Variants in LRP1B observed in about 807,000 individuals in gnomAD.
LRP1B encodes LDL receptor related protein 1B, also known as low-density lipoprotein receptor-related protein 1B.
A neutral mutation model predicts 556.6 loss-of-function variants in LRP1B; 217 were observed. The ratio of observed to expected loss-of-function variants is 0.39; its 90% CI spans 0.35 to 0.44. LRP1B has a LOEUF of 0.44. Among genes scored for constraint, LRP1B ranks in the 20% least tolerant of loss-of-function variants. The pLI is 1.00. For synonymous variants in LRP1B, 2,047 were observed against 1,865.8 expected (o/e 1.10, Z -2.50); for missense variants, 5,053 against 5,620.8 (o/e 0.90, Z 3.23).
intron 1 of LRP1B, among the ~76,000 whole-genome samples, chr2:141,826,553 G>A (rs1217846654): frequency 6.6e-6 from 1 of 151,888 alleles, no homozygotes; most frequent in African/African-American, 2.4e-5. Context: ...TAGAGACAGT[G>A]TTTCACCATG....
chr2:140,624,326 T>G (rs1470634453), intron 41 of LRP1B, among the ~76,000 whole-genome samples: 1 of 152,108 alleles, frequency 6.6e-6, no homozygotes, highest in Non-Finnish European at 1.5e-5. Flanking sequence ...CCTCTGTATT[T>G]CACAAATCAA....
At chr2:141,691,465 A>AACACACACACACACAT (rs1553448863) in intron 2 of LRP1B, among the ~76,000 whole-genome samples, 1 of 133,180 alleles carries the variant, frequency 7.5e-6, no homozygotes, top group African/African-American at 2.9e-5. Flanking sequence ...GTAATCAGCC[A>AACACACACACACACAT]ACACACACAC....
In LRP1B at chr2:140,994,008, A is replaced by G; in HGVS notation, c.2631T>C (p.Asp877=). ...AAGAGAACATACAGCAGTTTACTGA[A>G]TCCTCATCGCTTCCGTCTAGGCAGT... is the stretch of plus-strand genomic sequence containing the variant. ...DDDCLDGSDE[D]SVNCFNHSCP... is the part of the protein sequence containing the mutation. Residue 877 remains aspartate (D), a synonymous_variant, in exon 16 of 91, where the codon GAT becomes GAC. Coordinates refer to ENST00000389484, the MANE Select transcript of LRP1B (RefSeq NM_018557.3). The G allele has an allele frequency of 6.2e-7, 1 of 1,612,466 alleles. No homozygotes were observed. Among genetic ancestry groups the G allele is most frequent in the Non-Finnish European group, 8.5e-7 (1 of 1,178,940 alleles).
At chr2:141,586,920 C>T (rs1438348715) in intron 2 of LRP1B, among the ~76,000 whole-genome samples, 1 of 134,680 alleles carries the variant, frequency 7.4e-6, no homozygotes, top group Non-Finnish European at 1.5e-5. Flanking sequence ...CCAGCCTGGG[C>T]GACAGAGTGA....
rs190480178 is a variant in LRP1B, at chr2:140,514,451, T to G, written c.8269+202A>C. Among the ~76,000 whole-genome samples, 539 of 151,906 alleles carry G rather than the reference T, an allele frequency of 3.5e-3. 2 individuals carry two copies. Among genetic ancestry groups the G allele is most frequent in the African/African-American group, 0.012 (512 of 41,480 alleles). ...TTGTTGTGGCAATATTAAGGAAAAA[T>G]ACCAAATATTGAATAACAGCTTTAT... On this transcript the variant is annotated intron_variant, in intron 51 of 90. Transcript: ENST00000389484.
In LRP1B at chr2:140,394,239, G is replaced by A. The variant is rs566954496; in HGVS notation, c.10415-8230C>T. 9.4e-5 allele frequency among the ~76,000 whole-genome samples: 14 copies of A among 149,606 alleles called. No individual in the cohort carries two copies. The South Asian group carries it at 2.9e-3, about 31-fold the overall frequency. On this transcript the variant is annotated intron_variant, in intron 66 of 90. Transcript: ENST00000389484. ...TTTTGAAACTACTGTTCTCATACCTGGTGAAGCCGTTAATTCTGGATTCCT... is the reference window on the plus strand; with the variant it reads ...TTTTGAAACTACTGTTCTCATACCTAGTGAAGCCGTTAATTCTGGATTCCT...
At chr2:141,283,646 A>G (rs557265740) in intron 3 of LRP1B, among the ~76,000 whole-genome samples, 232 of 135,226 alleles carry the variant, frequency 1.7e-3, no homozygotes, top group African/African-American at 5.9e-3. Context: ...TTTGAGACGC[A>G]GTGTAGTGGC....
intron 79 of LRP1B, among the ~76,000 whole-genome samples, chr2:140,330,559 T>C (rs986007119): frequency 3.3e-5 from 5 of 152,032 alleles, no homozygotes; most frequent in African/African-American, 7.2e-5. Context: ...TTACACCTTA[T>C]ACAAAAATTA....
At chr2:142,012,575 G>A (rs981883367) in intron 1 of LRP1B, among the ~76,000 whole-genome samples, 1 of 152,076 alleles carries the variant, frequency 6.6e-6, no homozygotes, top group Non-Finnish European at 1.5e-5. Flanking sequence ...AAAGAAAACT[G>A]ATGCCCCAAG....
intron 41 of LRP1B, among the ~76,000 whole-genome samples, chr2:140,655,887 G>T (rs930697354): frequency 4.0e-5 from 6 of 150,842 alleles, no homozygotes; most frequent in Non-Finnish European, 8.8e-5. Context: ...AGCTTGCAGT[G>T]AGACGAGATC....
intron 41 of LRP1B, among the ~76,000 whole-genome samples, chr2:140,672,303 G>A (rs139794171): frequency 5.6e-4 from 85 of 152,056 alleles, no homozygotes; most frequent in African/African-American, 2.0e-3. Flanking sequence ...GACCAACATG[G>A]TCAAACCTCC....
At chr2:140,995,755 C>G (rs891132664) in intron 15 of LRP1B, among the ~76,000 whole-genome samples, 2 of 151,980 alleles carry the variant, frequency 1.3e-5, no homozygotes, top group Non-Finnish European at 2.9e-5. Context: ...TCAAAACTAT[C>G]TTTTTATGTT....
chr2:140,960,796 A>G (rs1367140921), intron 18 of LRP1B, among the ~76,000 whole-genome samples: 2 of 152,014 alleles, frequency 1.3e-5, no homozygotes, highest in African/African-American at 4.8e-5. Flanking sequence ...GAAATTATAC[A>G]CATCTGATAC....
chr2:142,117,010 TTTC>T (rs1707297193), intron 1 of LRP1B, among the ~76,000 whole-genome samples: 1 of 152,022 alleles, frequency 6.6e-6, no homozygotes, highest in East Asian at 2.0e-4. Context: ...CTTTTTTTCT[TTTC>T]TTTATTTCCT....
intron 6 of LRP1B, among the ~76,000 whole-genome samples, chr2:141,203,144 C>A (rs1316300959): frequency 6.6e-6 from 1 of 151,970 alleles, no homozygotes; most frequent in Admixed American, 6.6e-5. Flanking sequence ...AGGAGGAAAA[C>A]AACTAGATAG....
intron 3 of LRP1B, among the ~76,000 whole-genome samples, chr2:141,448,704 G>T (rs12475986): frequency 6.6e-6 from 1 of 151,982 alleles, no homozygotes; most frequent in Non-Finnish European, 1.5e-5. Flanking sequence ...ACCCTGCTTC[G>T]GCTCGCCCTC....
chr2:141,775,531 A>G (rs1203059577), intron 2 of LRP1B, among the ~76,000 whole-genome samples: 2 of 152,156 alleles, frequency 1.3e-5, no homozygotes, highest in Non-Finnish European at 2.9e-5. Flanking sequence ...GAAATATTTA[A>G]CACTCCTTTT....
chr2:140,338,508 G>T (rs1189869416), intron 77 of LRP1B, among the ~76,000 whole-genome samples: 2 of 151,670 alleles, frequency 1.3e-5, no homozygotes, highest in African/African-American at 4.8e-5. Context: ...ATCACCCTTT[G>T]TACTGAGCTT....
intron 32 of LRP1B, among the ~76,000 whole-genome samples, chr2:140,803,220 A>G (rs1242649632): frequency 6.7e-6 from 1 of 148,162 alleles, no homozygotes; most frequent in Non-Finnish European, 1.5e-5. Flanking sequence ...TTAAGCACTT[A>G]AGCCCTGAAT....
Sources: allele counts gnomAD v4.1 joint callset (sites outside exome capture counted in the v4.1 genomes callset), GRCh38; gene constraint gnomAD v4.1.1; transcripts MANE v1.5; gene names NCBI Gene and HGNC (gene_info 2026-07-23, HGNC 2026-07-21).